MRPS18C: variants seen among roughly 807,000 people sequenced by gnomAD.
MRPS18C encodes the protein small ribosomal subunit protein bS18m.
In MRPS18C, 21 loss-of-function variants were observed where a neutral mutation model predicts 21.0. The observed-to-expected ratio is 1.00, with a 90% confidence interval of 0.71 to 1.44. The LOEUF (loss-of-function observed/expected upper bound fraction) is 1.44, where lower values mean the gene tolerates loss of function less well. MRPS18C is among the 40% of genes most tolerant of loss of function. The pLI is 0.00. For synonymous variants in MRPS18C, 65 were observed against 54.3 expected, an observed-to-expected ratio of 1.20 and a Z score of -0.87; for missense variants, 152 against 171.5, an observed-to-expected ratio of 0.89 and a Z score of 0.64.
In MRPS18C at chr4:83,456,172, A is replaced by C. The variant is rs1299531847; in HGVS notation, c.95A>C (p.His32Pro). The C allele has an allele frequency of 6.2e-7, 1 of 1,613,196 alleles. No individual in the cohort carries two copies. Among genetic ancestry groups the C allele is most frequent in the African/African-American group, 1.3e-5 (1 of 74,914 alleles). ...GTCAGCCTTACACATCCCGGGACTC[A>C]CACGGGTAAAGTCTCCATATCCTAT... ...AAVSLTHPGT[H>P]TVLWRRGCSQ... Residue 32 changes from histidine to proline, a missense_variant, in exon 1 of 6, where the codon CAC (histidine) becomes CCC (proline). His to Pro is a moderately conservative substitution (Grantham distance 77, BLOSUM62 -2). Transcript: ENST00000295491.
chr4:83,456,282 G>C (rs1721819115), intron 1 of MRPS18C, 105 bp downstream of exon 1: 1 of 1,016,442 alleles, frequency 9.8e-7, no homozygotes, highest in South Asian at 1.4e-5. Context: ...GTTTCTAGGC[G>C]ATTAAGTTTC....
At position 83,458,511 on chromosome 4, in the gene MRPS18C, C is replaced by G. The variant is rs76914435; in HGVS notation, c.234+82C>G. The stretch of plus-strand genomic sequence containing the variant: ...TAAAGAGAATCAAGTCAGTTTATAG[C>G]AGGCTTTTGTAGAGGTAACTGTTTT... On this transcript the variant is annotated intron_variant, in intron 3 of 5. Transcript: ENST00000295491. 5,928 of 1,102,022 alleles carry G rather than the reference C, an allele frequency of 5.4e-3. 222 individuals are homozygous for G. In the African/African-American group the frequency reaches 0.085, roughly 16 times the overall value. 68.3% of individuals were successfully genotyped at this position (1,102,022 alleles called of 1,614,324 possible).
chr4:83,456,687 G>A (rs1377134213), intron 1 of MRPS18C, among the ~76,000 whole-genome samples: 1 of 152,124 alleles, frequency 6.6e-6, no homozygotes, highest in Non-Finnish European at 1.5e-5. Flanking sequence ...GAGCAGGTAT[G>A]GGCGGGAAAA....
At chr4:83,456,324 TG>T in intron 1 of MRPS18C, 147 bp downstream of exon 1, 1 of 695,690 alleles carries the variant, frequency 1.4e-6, no homozygotes, top group Middle Eastern at 2.7e-4. Context: ...TAATTGCCTT[TG>T]ACTGTTTTAG....
At chr4:83,459,511 T>C (rs1234996607) in intron 3 of MRPS18C, 2 of 403,326 alleles carry the variant, frequency 5.0e-6, no homozygotes, top group Non-Finnish European at 8.9e-6. Flanking sequence ...TACCATTGAA[T>C]GAATATGCTG....
intron 2 of MRPS18C, 145 bp downstream of exon 2, chr4:83,457,103 T>C: frequency 1.6e-6 from 1 of 625,326 alleles, no homozygotes; most frequent in Non-Finnish European, 2.7e-6. Context: ...AACAATTTGA[T>C]AATTACTCTG....
At chr4:83,458,646 GT>G in intron 3 of MRPS18C, 2 of 407,224 alleles carry the variant, frequency 4.9e-6, no homozygotes, top group Non-Finnish European at 8.7e-6. Context: ...TTTCCACTCT[GT>G]TTTTTTCACT....
At position 83,461,606 on chromosome 4, in the gene MRPS18C, T is replaced by C; in HGVS notation, c.*409T>C. The C allele has an allele frequency of 3.4e-6, 1 of 297,942 alleles. No individual in the cohort carries two copies. Among genetic ancestry groups the C allele is most frequent in the East Asian group, 4.8e-5 (1 of 20,662 alleles). The allele number at this position is 297,942 out of a possible 1,614,324, so 18.5% of individuals were successfully genotyped here. A position where few individuals can be genotyped will look rare whatever the true frequency, so the allele number is the denominator to read the frequency against. ...GAAGGACAAAATATTCCTAGACGAG[T>C]CTACCCTCAAACCAGTAGTGTCTTT... On this transcript the variant is annotated 3_prime_UTR_variant, in exon 6 of 6. Transcript: ENST00000295491.
chr4:83,459,907 G>C, intron 4 of MRPS18C, 110 bp downstream of exon 4: 4 of 867,124 alleles, frequency 4.6e-6, no homozygotes, highest in Non-Finnish European at 7.2e-6. Context: ...ATTACTACTA[G>C]ATCAGATACT....
intron 2 of MRPS18C, chr4:83,458,144 A>C (rs1158744114): frequency 2.2e-6 from 1 of 456,142 alleles, no homozygotes; most frequent in Non-Finnish European, 3.8e-6. Context: ...ATTTTATTCT[A>C]TGAAGATTGT....
In MRPS18C at chr4:83,456,606, G is replaced by T. The variant is rs1024082425; in HGVS notation, c.101-303G>T. On this transcript the variant is annotated intron_variant, in intron 1 of 5. Transcript: ENST00000295491. ...TTTGGTATGACAGTGCCTTTCTGTT[G>T]CTTCTCCTATAAGAATTTGCATTAA... 2.0e-4 allele frequency among the ~76,000 whole-genome samples: 30 copies of T among 152,074 alleles called. 1 individual carries two copies. Among genetic ancestry groups the T allele is most frequent in the Non-Finnish European group, 4.4e-5 (3 of 68,006 alleles).
At chr4:83,458,302 G>A in intron 2 of MRPS18C, 44 bp from the exon 3 acceptor site, 6 of 1,328,236 alleles carry the variant, frequency 4.5e-6, no homozygotes, top group Non-Finnish European at 6.5e-6. Context: ...TTAAAATTCA[G>A]AATTAACACA....
At chr4:83,459,715 C>G (rs1389386327) in intron 3 of MRPS18C, 25 bp from the exon 4 acceptor site, 1 of 1,586,348 alleles carries the variant, frequency 6.3e-7, no homozygotes, top group African/African-American at 1.4e-5. Flanking sequence ...CTTTTTTTTC[C>G]CCTCCACATA....
chr4:83,460,905 C>CA (rs34734728), intron 4 of MRPS18C, 68 bp from the exon 5 acceptor site: 20,509 of 1,215,594 alleles, frequency 0.017, 2 homozygotes, highest in Middle Eastern at 0.027. Flanking sequence ...GACTCCATCT[C>CA]AAAAAAAAAA....
Position 83,459,695 on chromosome 4 carries a change from A to G in MRPS18C, c.235-45A>G, listed in dbSNP as rs373047460. Reference sequence around the variant, plus strand: ...TTGAAATTTACACATTCAGAAATAAATAACAGATACTTTTTTTTCCCCTCC... The same window carrying G: ...TTGAAATTTACACATTCAGAAATAAGTAACAGATACTTTTTTTTCCCCTCC... On this transcript the variant is annotated intron_variant, in intron 3 of 5. Transcript: ENST00000295491. 3.4e-5 allele frequency: 52 copies of G among 1,543,334 alleles called. 1 individual carries two copies. In the East Asian group the frequency reaches 3.8e-4, roughly 11 times the overall value.
At chr4:83,456,254 G>C (rs974480873) in intron 1 of MRPS18C, 77 bp downstream of exon 1, 42 of 909,994 alleles carry the variant, frequency 4.6e-5, no homozygotes, top group Non-Finnish European at 6.5e-5. Context: ...AGTCGTCCCT[G>C]TTAGCAAAAC....
chr4:83,459,718 T>A (rs1382357411), intron 3 of MRPS18C, 22 bp from the exon 4 acceptor site: 1 of 1,599,556 alleles, frequency 6.3e-7, no homozygotes, highest in South Asian at 1.1e-5. Flanking sequence ...TTTTTTCCCC[T>A]CCACATAAAA....
rs766854181 is a variant in MRPS18C, at chr4:83,458,427, C to A, written c.232C>A (p.Gln78Lys). Reference sequence around the variant, plus strand: ...AAAGCATGTAGATTATAAGAATGTACAGGTGAGATCTGGTTTTACTTCACT... The same window carrying A: ...AAAGCATGTAGATTATAAGAATGTAAAGGTGAGATCTGGTTTTACTTCACT... Reference protein sequence around the residue: ...CGKHVDYKNVQLLSQFVSPFT... With the variant: ...CGKHVDYKNVKLLSQFVSPFT... The change falls in exon 3 of 6, where the codon CAG becomes AAG. Residue 78 changes from glutamine to lysine, a missense_variant and splice_region_variant. Physicochemically the swap from Gln to Lys is moderately conservative, Grantham distance 53. Around this residue, in one of 2 missense-constraint regions of MRPS18C, gnomAD observed 118 missense variants for 104.4 expected, o/e 1.13. Transcript: ENST00000295491. 3 of 1,576,864 alleles carry A rather than the reference C, an allele frequency of 1.9e-6. No individual in the cohort carries two copies. In the East Asian group the frequency reaches 6.8e-5, roughly 36 times the overall value.
intron 3 of MRPS18C, 54 bp from the exon 4 acceptor site, chr4:83,459,686 C>G: frequency 2.0e-6 from 3 of 1,497,312 alleles, no homozygotes; most frequent in Middle Eastern, 1.7e-4. Flanking sequence ...TTTACACATT[C>G]AGAAATAAAT....
Sources: allele counts gnomAD v4.1 joint callset (sites outside exome capture counted in the v4.1 genomes callset), GRCh38; gene constraint gnomAD v4.1.1; regional missense constraint gnomAD v4.1.1; transcripts MANE v1.5; gene names NCBI Gene and HGNC (gene_info 2026-07-23, HGNC 2026-07-21).